ZNF521: variants seen among roughly 807,000 people sequenced by gnomAD.
ZNF521 encodes zinc finger protein 521.
A neutral mutation model predicts 105.5 loss-of-function variants in ZNF521; 14 were observed. The ratio of observed to expected loss-of-function variants is 0.13; its 90% CI spans 0.09 to 0.21. The LOEUF (loss-of-function observed/expected upper bound fraction) is 0.21. Ranked by LOEUF, ZNF521 falls within the 10% of genes least tolerant of loss-of-function variation. The pLI, the probability that ZNF521 is intolerant of heterozygous loss-of-function variation, is 1.00. For missense variants in ZNF521, 1,233 were observed against 1,629.7 expected (o/e 0.76, Z 4.19); for synonymous variants, 635 against 606.0 (o/e 1.05, Z -0.70).
chr18:25,150,891 CTTTTTTT>C (rs559303954), intron 5 of ZNF521, among the ~76,000 whole-genome samples: 39 of 132,200 alleles, frequency 3.0e-4, no homozygotes, highest in African/African-American at 1.0e-3. Context: ...TTTCTTTTTT[CTTTTTTT>C]TTTTTTTTGA....
At chr18:25,306,577 T>C (rs570108771) in intron 3 of ZNF521, among the ~76,000 whole-genome samples, 1 of 152,290 alleles carries the variant, frequency 6.6e-6, no homozygotes, top group South Asian at 2.1e-4. Context: ...TATGTCAAAA[T>C]GCCTCATATT....
At chr18:25,234,436 T>G (rs1906739978) in intron 3 of ZNF521, among the ~76,000 whole-genome samples, 1 of 152,236 alleles carries the variant, frequency 6.6e-6, no homozygotes, top group Non-Finnish European at 1.5e-5. Context: ...AGTTTTTCAT[T>G]GCTTTAATCC....
At chr18:25,156,795 A>G (rs967191347) in intron 5 of ZNF521, among the ~76,000 whole-genome samples, 2 of 152,250 alleles carry the variant, frequency 1.3e-5, no homozygotes, top group Non-Finnish European at 2.9e-5. Flanking sequence ...TAGTATTCTG[A>G]AAGACAAAAC....
intron 4 of ZNF521, chr18:25,200,967 T>G (rs2035981894): frequency 6.6e-6 from 1 of 151,128 alleles, no homozygotes; most frequent in African/African-American, 2.5e-5. Flanking sequence ...ATTTTCTTCT[T>G]TTTTTTCTGC....
chr18:25,233,231 C>CT (rs1177011361), intron 3 of ZNF521, among the ~76,000 whole-genome samples: 3 of 150,678 alleles, frequency 2.0e-5, no homozygotes, highest in African/African-American at 7.3e-5. Flanking sequence ...TAAGGTCATG[C>CT]TAAAAAAAAA....
rs564257246 is a variant in ZNF521, at chr18:25,254,081, G to T, written c.221-26384C>A. On this transcript the variant is annotated intron_variant, in intron 3 of 7. Transcript: ENST00000361524. ...CCAGCACATTGTTATTCAGCCCAGA[G>T]AAATTAAGTTCTTTGCCTAAAGTCC... 1.4e-4 allele frequency among the ~76,000 whole-genome samples: 21 copies of T among 152,204 alleles called. No homozygotes were observed. The South Asian group carries it at 4.4e-3, about 32-fold the overall frequency.
chr18:25,201,569 A>G (rs1306340546), intron 4 of ZNF521: 1 of 152,136 alleles, frequency 6.6e-6, no homozygotes, highest in African/African-American at 2.4e-5. Flanking sequence ...AATCATTGCT[A>G]TATGTTTGGA....
chr18:25,135,198 G>A (rs934455775), intron 5 of ZNF521, among the ~76,000 whole-genome samples: 2 of 152,014 alleles, frequency 1.3e-5, no homozygotes, highest in South Asian at 2.1e-4. Flanking sequence ...GACAAAAGGA[G>A]GGGGAAAGAA....
At chr18:25,064,311 GA>G (rs55654452) in intron 7 of ZNF521, among the ~76,000 whole-genome samples, 93,142 of 152,088 alleles carry the variant, frequency 0.61, 28,838 homozygotes, top group Middle Eastern at 0.69. Context: ...AGCCATTGGG[GA>G]ATGGTTCCAA....
At chr18:25,145,532 C>G (rs1403653584) in intron 5 of ZNF521, among the ~76,000 whole-genome samples, 1 of 152,076 alleles carries the variant, frequency 6.6e-6, no homozygotes, top group Non-Finnish European at 1.5e-5. Flanking sequence ...GTCACTTCAT[C>G]CATATTTGAG....
At chr18:25,211,586 C>T (rs527645672) in intron 4 of ZNF521, among the ~76,000 whole-genome samples, 228 of 152,088 alleles carry the variant, frequency 1.5e-3, no homozygotes, top group Non-Finnish European at 2.5e-3. Context: ...TGGCAGTTTG[C>T]GTTTTTCCAT....
chr18:25,253,861 T>A (rs1908286131), intron 3 of ZNF521, among the ~76,000 whole-genome samples: 1 of 152,108 alleles, frequency 6.6e-6, no homozygotes, highest in Non-Finnish European at 1.5e-5. Context: ...CAATAGCAGA[T>A]GTGGGGGGGA....
chr18:25,259,288 G>T (rs768520870), intron 3 of ZNF521, among the ~76,000 whole-genome samples: 1 of 152,150 alleles, frequency 6.6e-6, no homozygotes, highest in Non-Finnish European at 1.5e-5. Context: ...GCCCATTCTA[G>T]GTACAGTCTT....
intron 3 of ZNF521, among the ~76,000 whole-genome samples, chr18:25,250,188 GA>G (rs1809180450): frequency 6.6e-6 from 1 of 152,112 alleles, no homozygotes; most frequent in South Asian, 2.1e-4. Flanking sequence ...ATCCACCAAT[GA>G]AAAATGTAAA....
At position 25,170,231 on chromosome 18, in the gene ZNF521, T is replaced by C. The variant is rs573754123; in HGVS notation, c.3658+24929A>G. Reference sequence around the variant, plus strand: ...CTTCTGGTTCCTATCTTCACAGTGATTGGAAAATCTTCACTAACCTGAAAT... The same window carrying C: ...CTTCTGGTTCCTATCTTCACAGTGACTGGAAAATCTTCACTAACCTGAAAT... On this transcript the variant is annotated intron_variant, in intron 5 of 7. Transcript: ENST00000361524. Among the ~76,000 whole-genome samples the C allele has an allele frequency of 3.9e-5, 6 of 152,168 alleles. No homozygotes were observed. The East Asian group carries it at 5.8e-4, about 15-fold the overall frequency.
At chr18:25,065,485 A>T (rs1175406893) in intron 7 of ZNF521, among the ~76,000 whole-genome samples, 1 of 152,194 alleles carries the variant, frequency 6.6e-6, no homozygotes, top group Non-Finnish European at 1.5e-5. Context: ...TGCATCCCCA[A>T]GACATCTCAT....
At chr18:25,340,777 A>T (rs1914156087) in intron 2 of ZNF521, among the ~76,000 whole-genome samples, 1 of 152,178 alleles carries the variant, frequency 6.6e-6, no homozygotes. Flanking sequence ...CTCCTAGCCT[A>T]GGGACACAGG....
At chr18:25,216,693 G>C (rs191441852) in intron 4 of ZNF521, among the ~76,000 whole-genome samples, 1 of 152,124 alleles carries the variant, frequency 6.6e-6, no homozygotes, top group Non-Finnish European at 1.5e-5. Flanking sequence ...TGAGTAGCTA[G>C]AACTACAGGT....
intron 5 of ZNF521, among the ~76,000 whole-genome samples, chr18:25,157,226 A>C (rs2035162765): frequency 6.6e-6 from 1 of 151,896 alleles, no homozygotes; most frequent in Non-Finnish European, 1.5e-5. Context: ...AAAGCAAATA[A>C]TCAATCTCAC....
Sources: allele counts gnomAD v4.1 joint callset (sites outside exome capture counted in the v4.1 genomes callset), GRCh38; gene constraint gnomAD v4.1.1; transcripts MANE v1.5; gene names NCBI Gene and HGNC (gene_info 2026-07-23, HGNC 2026-07-21).